WWOX: variants seen among roughly 807,000 people sequenced by gnomAD.
The protein encoded by WWOX is WW domain-containing oxidoreductase.
In WWOX, 69 loss-of-function variants were observed where a neutral mutation model predicts 46.2. The observed-to-expected ratio is 1.49, with a 90% CI of 1.23 to 1.82. The LOEUF is 1.82. Ranked by LOEUF, WWOX falls within the 40% of genes most tolerant of loss-of-function variation. The probability of loss-of-function intolerance (pLI) is 0.00; values close to 1 mark genes in which losing one functional copy is unlikely to be tolerated. For missense variants in WWOX, 919 were observed against 542.6 expected (o/e 1.69, Z -6.89); for synonymous variants, 359 against 202.6 (o/e 1.77, Z -6.56).
intron 8 of WWOX, among the ~76,000 whole-genome samples, chr16:78,940,499 C>A (rs999779266): frequency 1.3e-5 from 2 of 152,212 alleles, no homozygotes; most frequent in South Asian, 4.1e-4. Flanking sequence ...GGAGTTCTTT[C>A]GAAGTCACAT....
chr16:78,496,110 T>C (rs2084912805), intron 8 of WWOX: 1 of 152,192 alleles, frequency 6.6e-6, no homozygotes, highest in Non-Finnish European at 1.5e-5. Flanking sequence ...TATTTGGCTT[T>C]ACTGACTGCC....
intron 8 of WWOX, among the ~76,000 whole-genome samples, chr16:78,741,257 G>C (rs1369964986): frequency 6.6e-6 from 1 of 152,152 alleles, no homozygotes; most frequent in African/African-American, 2.4e-5. Flanking sequence ...GCCATGTTTA[G>C]CAAATAAAAT....
At chr16:78,938,810 C>T (rs973153451) in intron 8 of WWOX, among the ~76,000 whole-genome samples, 6 of 151,872 alleles carry the variant, frequency 4.0e-5, no homozygotes, top group Admixed American at 2.0e-4. Flanking sequence ...GAGGGGCTGG[C>T]GAGGAGAGCA....
chr16:78,104,872 A>G (rs1597201363), intron 1 of WWOX, among the ~76,000 whole-genome samples: 1 of 152,206 alleles, frequency 6.6e-6, no homozygotes, highest in East Asian at 1.9e-4. Flanking sequence ...AAGTGCTGTT[A>G]TTGTCCCCAT....
chr16:79,096,980 G>A (rs1257004902), intron 8 of WWOX, among the ~76,000 whole-genome samples: 2 of 152,102 alleles, frequency 1.3e-5, no homozygotes, highest in Non-Finnish European at 2.9e-5. Context: ...CAGGAAGGGG[G>A]CATGCTGTCA....
intron 8 of WWOX, among the ~76,000 whole-genome samples, chr16:78,457,113 C>A (rs17776206): frequency 0.095 from 14,463 of 152,248 alleles, 1,062 homozygotes; most frequent in South Asian, 0.21. Context: ...AGTGTTCAGA[C>A]AGAATGGTAA....
intron 8 of WWOX, among the ~76,000 whole-genome samples, chr16:79,125,992 A>G (rs79975041): frequency 0.029 from 4,370 of 152,252 alleles, 88 homozygotes; most frequent in Non-Finnish European, 0.046. Context: ...TTCAGTACAT[A>G]CATACAGTAG....
chr16:78,717,400 C>G (rs934125711), intron 8 of WWOX, among the ~76,000 whole-genome samples: 5 of 152,100 alleles, frequency 3.3e-5, no homozygotes, highest in African/African-American at 1.2e-4. Flanking sequence ...TATTCATTGA[C>G]TTATAGACTG....
At chr16:78,702,839 C>A (rs1250720228) in intron 8 of WWOX, among the ~76,000 whole-genome samples, 1 of 152,082 alleles carries the variant, frequency 6.6e-6, no homozygotes, top group Non-Finnish European at 1.5e-5. Context: ...ATAACTGGAA[C>A]AACTGTCCTT....
chr16:78,391,237 C>T (rs1036026512), intron 6 of WWOX, among the ~76,000 whole-genome samples: 4 of 152,238 alleles, frequency 2.6e-5, no homozygotes, highest in Non-Finnish European at 5.9e-5. Flanking sequence ...CCCTCCTAAC[C>T]ATGATTATGT....
chr16:78,328,079 G>C (rs1384163692), intron 5 of WWOX, among the ~76,000 whole-genome samples: 3 of 151,750 alleles, frequency 2.0e-5, no homozygotes, highest in Middle Eastern at 3.2e-3. Flanking sequence ...TTGCCATGTT[G>C]GCCAGGCTGG....
chr16:78,677,168 C>T (rs1412473930), intron 8 of WWOX, among the ~76,000 whole-genome samples: 1 of 152,002 alleles, frequency 6.6e-6, no homozygotes, highest in Admixed American at 6.6e-5. Context: ...TTGCTGTCCC[C>T]TGGGCAGGTG....
chr16:78,711,730 C>A (rs1303481954), intron 8 of WWOX, among the ~76,000 whole-genome samples: 1 of 152,170 alleles, frequency 6.6e-6, no homozygotes. Context: ...CCTCCAATTC[C>A]CATGTTAGTG....
At chr16:79,098,541 C>T (rs1170515969) in intron 8 of WWOX, among the ~76,000 whole-genome samples, 2 of 152,222 alleles carry the variant, frequency 1.3e-5, no homozygotes, top group African/African-American at 2.4e-5. Context: ...TGGATTTCTC[C>T]AAAAGCAATT....
intron 6 of WWOX, among the ~76,000 whole-genome samples, chr16:78,418,837 ATAAT>A (rs2082859825): frequency 6.6e-6 from 1 of 152,192 alleles, no homozygotes; most frequent in Non-Finnish European, 1.5e-5. Flanking sequence ...AAATGACATC[ATAAT>A]TAATGCTGAA....
chr16:78,438,288 A>G (rs1321516183), intron 8 of WWOX, among the ~76,000 whole-genome samples: 1 of 152,210 alleles, frequency 6.6e-6, no homozygotes, highest in African/African-American at 2.4e-5. Flanking sequence ...GTTCAAGAAA[A>G]TGATATACCA....
chr16:78,741,950 A>G (rs918584008), intron 8 of WWOX, among the ~76,000 whole-genome samples: 2 of 152,222 alleles, frequency 1.3e-5, no homozygotes, highest in Admixed American at 6.5e-5. Context: ...GATGTTCCAC[A>G]TTTAACTGGA....
chr16:78,577,021 A>C (rs547992333), intron 8 of WWOX, among the ~76,000 whole-genome samples: 2 of 152,320 alleles, frequency 1.3e-5, no homozygotes, highest in East Asian at 3.9e-4. Context: ...AAATTCAGTG[A>C]TTAGTTTATA....
chr16:79,029,302 G>T (rs1321452808), intron 8 of WWOX, among the ~76,000 whole-genome samples: 1 of 152,150 alleles, frequency 6.6e-6, no homozygotes, highest in East Asian at 1.9e-4. Flanking sequence ...TCAGCTGCAG[G>T]CATGGGGAAG....
Sources: allele counts gnomAD v4.1 joint callset (sites outside exome capture counted in the v4.1 genomes callset), GRCh38; gene constraint gnomAD v4.1.1; transcripts MANE v1.5; gene names NCBI Gene and HGNC (gene_info 2026-07-23, HGNC 2026-07-21).